Variants in DDO observed in about 807,000 individuals in gnomAD.
DDO encodes D-aspartate oxidase.
A neutral mutation model predicts 16.8 loss-of-function variants in DDO; 16 were observed. The ratio of observed to expected loss-of-function variants is 0.95; its 90% CI spans 0.65 to 1.45. The LOEUF (loss-of-function observed/expected upper bound fraction) is 1.45. DDO is among the 40% of genes most tolerant of loss of function. DDO has a pLI of 0.00. For synonymous variants in DDO, 180 were observed against 167.2 expected (o/e 1.08, Z -0.59); for missense variants, 429 against 420.3 (o/e 1.02, Z -0.18).
chr6:110,392,366 T>G lies in DDO; in HGVS notation c.*409A>C. ...CTTCCAACATTCATATAAATCTGCATAGGTCCTTGGACATCAGTTCTAAAT... is the reference window on the plus strand; with the variant it reads ...CTTCCAACATTCATATAAATCTGCAGAGGTCCTTGGACATCAGTTCTAAAT... On this transcript the variant is annotated 3_prime_UTR_variant, in exon 5 of 5. Coordinates refer to ENST00000368924, the MANE Select transcript of DDO (RefSeq NM_001372108.2). 1.0e-6 allele frequency: 1 copy of G among 989,006 alleles called. No homozygotes were observed. Among genetic ancestry groups the G allele is most frequent in the Non-Finnish European group, 1.2e-6 (1 of 832,560 alleles). 61.3% of individuals were successfully genotyped at this position (989,006 alleles called of 1,614,324 possible). A position where few individuals can be genotyped will look rare whatever the true frequency, so the allele number is the denominator to read the frequency against.
intron 2 of DDO, 59 bp from the exon 3 acceptor site, chr6:110,408,501 C>A: frequency 6.8e-7 from 1 of 1,472,330 alleles, no homozygotes; most frequent in Non-Finnish European, 9.4e-7. Context: ...AATGACAGTG[C>A]TTCAAATAAG....
chr6:110,395,278 C>A (rs896653608), intron 4 of DDO, among the ~76,000 whole-genome samples: 2 of 152,012 alleles, frequency 1.3e-5, no homozygotes, highest in Non-Finnish European at 1.5e-5. Flanking sequence ...AGAATTCCTT[C>A]GCTGGACTGC....
In DDO at chr6:110,393,117, T is replaced by A; in HGVS notation, c.684A>T (p.Thr228=). ...TAGTTCCACCTAGGGTTACATGGGA[T>A]GTACCAGGATAAATATATGTCAGCC... The part of the protein sequence containing the change: ...GSGLTYIYPG[T]SHVTLGGTRQ... Residue 228 remains threonine, a synonymous_variant, in exon 5 of 5, where the codon ACA becomes ACT. Coordinates refer to ENST00000368924, the MANE Select transcript of DDO (RefSeq NM_001372108.2). 1 of 1,613,986 alleles carries A rather than the reference T, an allele frequency of 6.2e-7. No homozygotes were observed. Among genetic ancestry groups the A allele is most frequent in the African/African-American group, 1.3e-5 (1 of 75,056 alleles).
In DDO at chr6:110,412,740, A is replaced by G. The variant is rs550044063; in HGVS notation, c.172+551T>C. Among the ~76,000 whole-genome samples, 15 of 152,350 alleles carry G rather than the reference A, an allele frequency of 9.8e-5. No individual in the cohort carries two copies. The East Asian group carries it at 2.3e-3, about 23-fold the overall frequency. On this transcript the variant is annotated intron_variant, in intron 2 of 4. Transcript: ENST00000368924. ...CTGGCCCCTTGCTGATGCTCAATCC[A>G]CATGTAGTGTGAGCAAGAACAAACT...
At chr6:110,415,370 C>T in intron 1 of DDO, 97 bp downstream of exon 1, 1 of 1,496,948 alleles carries the variant, frequency 6.7e-7, no homozygotes. Flanking sequence ...GCACAGTGGC[C>T]TGTCCATCAC....
At chr6:110,404,660 C>A in intron 4 of DDO, 114 bp downstream of exon 4, 1 of 1,164,512 alleles carries the variant, frequency 8.6e-7, no homozygotes. Context: ...GGCAAGGCAA[C>A]GCGAAAGAGC....
At chr6:110,395,236 A>T (rs1773253582) in intron 4 of DDO, among the ~76,000 whole-genome samples, 1 of 152,220 alleles carries the variant, frequency 6.6e-6, no homozygotes, top group South Asian at 2.1e-4. Context: ...GCCTGAATAA[A>T]ACAAAAAAGT....
At chr6:110,395,814 T>C (rs1419762330) in intron 4 of DDO, among the ~76,000 whole-genome samples, 1 of 152,188 alleles carries the variant, frequency 6.6e-6, no homozygotes, top group East Asian at 1.9e-4. Flanking sequence ...GTTGGAAAGT[T>C]TAACTGCAAC....
chr6:110,398,429 T>A (rs9386895), intron 4 of DDO, among the ~76,000 whole-genome samples: 65,486 of 144,730 alleles, frequency 0.45, 14,524 homozygotes, highest in African/African-American at 0.49. Context: ...CACACACACT[T>A]GGCCTCCCAG....
rs1290435262 is a variant in DDO at position 110,394,146 on chromosome 6, C to T, written c.459-804G>A. ...CTGAGATGGGGTCTCACTCTGTCACCCAGGCTGGAGTGCAGTGGCGTGATC... is the reference window on the plus strand; with the variant it reads ...CTGAGATGGGGTCTCACTCTGTCACTCAGGCTGGAGTGCAGTGGCGTGATC... On this transcript the variant is annotated intron_variant, in intron 4 of 4. Coordinates refer to ENST00000368924, the MANE Select transcript of DDO (RefSeq NM_001372108.2). Among the ~76,000 whole-genome samples, 5 of 152,112 alleles carry T rather than the reference C, an allele frequency of 3.3e-5. No homozygotes were observed. In the South Asian group the frequency reaches 1.0e-3, roughly 32 times the overall value.
chr6:110,407,514 A>T (rs1773698368), intron 3 of DDO, among the ~76,000 whole-genome samples: 2 of 152,216 alleles, frequency 1.3e-5, no homozygotes, highest in African/African-American at 4.8e-5. Context: ...GCAGCCTGAC[A>T]TCAAAAGAGG....
At chr6:110,412,193 T>C (rs1773881190) in intron 2 of DDO, among the ~76,000 whole-genome samples, 1 of 150,944 alleles carries the variant, frequency 6.6e-6, no homozygotes, top group Non-Finnish European at 1.5e-5. Flanking sequence ...TTACAGTGAG[T>C]CAGTGAGCCA....
intron 3 of DDO, among the ~76,000 whole-genome samples, chr6:110,406,206 CA>C (rs1200349305): frequency 2.6e-5 from 4 of 152,096 alleles, no homozygotes; most frequent in Non-Finnish European, 4.4e-5. Flanking sequence ...TCTTGAGCTC[CA>C]AAAACAGATC....
At chr6:110,396,977 T>A (rs2114812668) in intron 4 of DDO, among the ~76,000 whole-genome samples, 1 of 152,330 alleles carries the variant, frequency 6.6e-6, no homozygotes, top group East Asian at 1.9e-4. Context: ...GTGTTTATAA[T>A]CTTCCAAAAA....
rs570832258 is a variant in DDO, at chr6:110,412,659, C to T, written c.172+632G>A. On this transcript the variant is annotated intron_variant, in intron 2 of 4. Transcript: ENST00000368924. ...CCTCCCCTCCGCCCCTGGGCACATG[C>T]GCTGATGACAATCAGGATGACAGCT... Among the ~76,000 whole-genome samples the T allele has an allele frequency of 2.2e-4, 33 of 152,346 alleles. No homozygotes were observed. The East Asian group carries it at 5.0e-3, about 23-fold the overall frequency.
At chr6:110,413,799 G>A (rs1773946641) in intron 1 of DDO, among the ~76,000 whole-genome samples, 1 of 151,972 alleles carries the variant, frequency 6.6e-6, no homozygotes, top group Admixed American at 6.6e-5. Context: ...CCTGAAAGGG[G>A]GTCTTGCTCT....
rs1334504543 is a variant in DDO at position 110,399,036 on chromosome 6, C to T, written c.459-5694G>A. ...CTGCCTGGAGGAAGACTTAATGCCTCGCTGACTCATTTCCTGGAAGGAGCC... is the reference window on the plus strand; with the variant it reads ...CTGCCTGGAGGAAGACTTAATGCCTTGCTGACTCATTTCCTGGAAGGAGCC... On this transcript the variant is annotated intron_variant, in intron 4 of 4. Coordinates refer to ENST00000368924, the MANE Select transcript of DDO (RefSeq NM_001372108.2). 3.9e-5 allele frequency among the ~76,000 whole-genome samples: 6 copies of T among 152,148 alleles called. No homozygotes were observed. The South Asian group carries it at 8.3e-4, about 21-fold the overall frequency.
At position 110,392,448 on chromosome 6, in the gene DDO, C is replaced by T. The variant is rs1050180642; in HGVS notation, c.*327G>A. 5.6e-5 allele frequency: 59 copies of T among 1,050,398 alleles called. No individual in the cohort carries two copies. Among genetic ancestry groups the T allele is most frequent in the Non-Finnish European group, 6.4e-5 (56 of 873,780 alleles). 65.1% of individuals were successfully genotyped at this position (1,050,398 alleles called of 1,614,324 possible). A position where few individuals can be genotyped will look rare whatever the true frequency, so the allele number is the denominator to read the frequency against. Reference sequence around the variant, plus strand: ...AAAAATAGAGCTTTATGCCCTATGCCATTAATGCTGGACTTCCTAAGTAAG... The same window carrying T: ...AAAAATAGAGCTTTATGCCCTATGCTATTAATGCTGGACTTCCTAAGTAAG... On this transcript the variant is annotated 3_prime_UTR_variant, in exon 5 of 5. Transcript: ENST00000368924.
In DDO at chr6:110,404,778, T is replaced by C. The variant is rs370918214; in HGVS notation, c.454A>G (p.Lys152Glu). The C allele has an allele frequency of 2.0e-5, 32 of 1,613,938 alleles. No individual in the cohort carries two copies. The African/African-American group carries it at 4.1e-4, about 21-fold the overall frequency. The change falls in exon 4 of 5, where the codon AAA becomes GAA. Residue 152 changes from lysine to glutamate, a missense_variant. Physicochemically the swap from Lys to Glu is moderately conservative, Grantham distance 56. Transcript: ENST00000368924. ...ECPAYLPWLE[K>E]RIKGSGGWTL... ...TCAGGGAGCATTTCAACTGACCTTTTCTCCAACCACGGGAGGTAGGCAGGG... is the reference window on the plus strand; with the variant it reads ...TCAGGGAGCATTTCAACTGACCTTTCCTCCAACCACGGGAGGTAGGCAGGG...
Sources: allele counts gnomAD v4.1 joint callset (sites outside exome capture counted in the v4.1 genomes callset), GRCh38; gene constraint gnomAD v4.1.1; transcripts MANE v1.5; gene names NCBI Gene and HGNC (gene_info 2026-07-23, HGNC 2026-07-21).